MVB12B: variants seen among roughly 807,000 people sequenced by gnomAD.
The protein encoded by MVB12B is ESCRT-I complex subunit MVB12B.
A neutral mutation model predicts 41.6 loss-of-function variants in MVB12B; 16 were observed. The ratio of observed to expected loss-of-function variants is 0.38; its 90% CI spans 0.26 to 0.58. The LOEUF is 0.58. Ranked by LOEUF, MVB12B falls within the 20% of genes least tolerant of loss-of-function variation. The pLI is 0.62. For missense variants in MVB12B, 274 were observed against 380.2 expected (o/e 0.72, Z 2.32); for synonymous variants, 133 against 139.7 (o/e 0.95, Z 0.34).
chr9:126,464,219 G>A (rs1157779112), intron 7 of MVB12B, among the ~76,000 whole-genome samples: 2 of 152,192 alleles, frequency 1.3e-5, no homozygotes, highest in East Asian at 3.9e-4. Flanking sequence ...TAGCTCAGGA[G>A]GCAGCCCAGG....
chr9:126,328,079 A>G (rs1829033167), intron 1 of MVB12B, among the ~76,000 whole-genome samples: 1 of 152,204 alleles, frequency 6.6e-6, no homozygotes, highest in African/African-American at 2.4e-5. Flanking sequence ...AAGCTTAGAG[A>G]GTTAAAAAAT....
At chr9:126,444,705 C>T (rs961384761) in intron 7 of MVB12B, among the ~76,000 whole-genome samples, 2 of 152,100 alleles carry the variant, frequency 1.3e-5, no homozygotes, top group African/African-American at 4.8e-5. Flanking sequence ...CTGGTATATT[C>T]TAGTACCTTC....
rs1417079693 is a variant in MVB12B, at chr9:126,391,488, T to C, written c.410-578T>C. 1.3e-5 allele frequency among the ~76,000 whole-genome samples: 2 copies of C among 152,184 alleles called. No individual in the cohort carries two copies. The highest frequency in any genetic ancestry group is 2.9e-5 in the Non-Finnish European group (2 of 68,034). On this transcript the variant is annotated intron_variant, in intron 4 of 9. Coordinates refer to ENST00000361171, the MANE Select transcript of MVB12B (RefSeq NM_033446.3). This position sits in a 1 kb window ranked among gnomAD's most constrained non-coding sequence, Gnocchi z 4.4. ...GTTAGGAATGGTGATGGCATGGTGG[T>C]CTTTAAAGAACAGTGTCCTGGATGC...
At chr9:126,369,009 G>A (rs1394536720) in intron 2 of MVB12B, among the ~76,000 whole-genome samples, 1 of 152,220 alleles carries the variant, frequency 6.6e-6, no homozygotes, top group Non-Finnish European at 1.5e-5. Flanking sequence ...GTTAACGGGT[G>A]TGTGATGCTC....
At chr9:126,440,128 G>A (rs1832592966) in intron 7 of MVB12B, among the ~76,000 whole-genome samples, 1 of 152,166 alleles carries the variant, frequency 6.6e-6, no homozygotes, top group East Asian at 1.9e-4. Context: ...ACACTCGAGG[G>A]TCAGCGCGAG....
At chr9:126,497,477 G>A (rs1323636284) in intron 9 of MVB12B, among the ~76,000 whole-genome samples, 1 of 152,148 alleles carries the variant, frequency 6.6e-6, no homozygotes. Context: ...AGCCTCATGG[G>A]ACCTCGGCTC....
At chr9:126,433,570 CCTGCCCATGGG>C (rs1413222532) in intron 7 of MVB12B, among the ~76,000 whole-genome samples, 1 of 152,072 alleles carries the variant, frequency 6.6e-6, no homozygotes, top group East Asian at 1.9e-4. Context: ...GTCCCTGTAC[CCTGCCCATGGG>C]CAGGGCTCTA....
At chr9:126,421,818 T>G (rs751679818) in intron 6 of MVB12B, 36 bp from the exon 7 acceptor site, 1 of 1,524,184 alleles carries the variant, frequency 6.6e-7, no homozygotes, top group Admixed American at 1.7e-5. Flanking sequence ...GGAATGCTCC[T>G]TGTAATCTCC....
Position 126,481,350 on chromosome 9 carries a change from T to C in MVB12B, c.758-19T>C, listed in dbSNP as rs753047549. 3.1e-6 allele frequency: 5 copies of C among 1,609,980 alleles called. No individual in the cohort carries two copies. The highest frequency in any genetic ancestry group is 3.3e-5 in the Admixed American group (2 of 59,912). On this transcript the variant is annotated intron_variant, in intron 7 of 9. Transcript: ENST00000361171. ...TCTTCAATACCTTTAATGCCATCTTTTTTTTTCTTCTTTTGCAGCAATGGA... is the reference window on the plus strand; with the variant it reads ...TCTTCAATACCTTTAATGCCATCTTCTTTTTTCTTCTTTTGCAGCAATGGA...
intron 6 of MVB12B, among the ~76,000 whole-genome samples, chr9:126,399,239 C>T (rs1223746274): frequency 6.6e-6 from 1 of 152,232 alleles, no homozygotes; most frequent in Non-Finnish European, 1.5e-5. Context: ...GACATCGCCA[C>T]ACACATCTCT....
intron 7 of MVB12B, among the ~76,000 whole-genome samples, chr9:126,467,663 C>T (rs147283526): frequency 6.6e-6 from 1 of 152,292 alleles, no homozygotes; most frequent in African/African-American, 2.4e-5. Flanking sequence ...TATTCTTACT[C>T]ATAGTTGTCA....
intron 2 of MVB12B, among the ~76,000 whole-genome samples, chr9:126,370,478 T>C (rs1010110100): frequency 1.3e-5 from 2 of 150,542 alleles, no homozygotes; most frequent in African/African-American, 4.9e-5. Context: ...TGCCTCTGGG[T>C]TCAAGTGATT....
intron 2 of MVB12B, among the ~76,000 whole-genome samples, chr9:126,369,005 G>A (rs1435616687): frequency 2.6e-5 from 4 of 152,080 alleles, no homozygotes; most frequent in Non-Finnish European, 5.9e-5. Context: ...TCTTGTTAAC[G>A]GGTGTGTGAT....
intron 9 of MVB12B, among the ~76,000 whole-genome samples, chr9:126,499,054 G>A (rs1833895336): frequency 6.6e-6 from 1 of 152,228 alleles, no homozygotes; most frequent in Non-Finnish European, 1.5e-5. Context: ...AATCGTCCTA[G>A]TTGTGGGTAG....
At chr9:126,383,549 C>T (rs531648036) in intron 3 of MVB12B, among the ~76,000 whole-genome samples, 3 of 152,248 alleles carry the variant, frequency 2.0e-5, no homozygotes, top group African/African-American at 4.8e-5. Flanking sequence ...AAAATAATTA[C>T]AGTATACTAG....
At chr9:126,328,600 T>C (rs527765924) in intron 1 of MVB12B, among the ~76,000 whole-genome samples, 14 of 152,274 alleles carry the variant, frequency 9.2e-5, no homozygotes, top group South Asian at 6.2e-4. Context: ...CTAATGATAG[T>C]ATTCATCTCA....
At chr9:126,330,704 C>T (rs960116892) in intron 1 of MVB12B, among the ~76,000 whole-genome samples, 7 of 152,258 alleles carry the variant, frequency 4.6e-5, no homozygotes, top group Admixed American at 2.0e-4. Flanking sequence ...CAACTAAGCT[C>T]CAGAACTTTT....
chr9:126,490,604 C>A (rs966263936), intron 9 of MVB12B, among the ~76,000 whole-genome samples: 1 of 152,208 alleles, frequency 6.6e-6, no homozygotes, highest in African/African-American at 2.4e-5. Context: ...CAACAGCCTC[C>A]ATTTTCATTC....
chr9:126,409,214 G>A (rs556059391), intron 6 of MVB12B, among the ~76,000 whole-genome samples: 6 of 152,122 alleles, frequency 3.9e-5, no homozygotes, highest in East Asian at 3.9e-4. Context: ...TTAGCCACAC[G>A]GTGCAGATGA....
Sources: allele counts gnomAD v4.1 joint callset (sites outside exome capture counted in the v4.1 genomes callset), GRCh38; gene constraint gnomAD v4.1.1; non-coding constraint Gnocchi (gnomAD v3.1); transcripts MANE v1.5; gene names NCBI Gene and HGNC (gene_info 2026-07-23, HGNC 2026-07-21).